The following ERBB4 variants were observed in gnomAD, a reference collection of about 807,000 sequenced individuals.
ERBB4 encodes the protein erb-b2 receptor tyrosine kinase 4.
Under a neutral mutation model 158.0 loss-of-function variants are expected in ERBB4, and 42 were observed. The ratio of observed to expected loss-of-function variants is 0.27; its 90% CI spans 0.21 to 0.34. The LOEUF (loss-of-function observed/expected upper bound fraction) is 0.34. Among genes scored for constraint, ERBB4 ranks in the 10% least tolerant of loss-of-function variants. ERBB4 has a pLI of 1.00. For missense variants in ERBB4, 1,333 were observed against 1,624.1 expected (o/e 0.82, Z 3.08); for synonymous variants, 583 against 558.7 (o/e 1.04, Z -0.61).
chr2:212,330,603 ACT>A lies in ERBB4; in HGVS notation c.83-205702_83-205701del, dbSNP rs372619908. Among the ~76,000 whole-genome samples the A allele has an allele frequency of 2.6e-5, 4 of 151,942 alleles. No homozygotes were observed. The East Asian group carries it at 5.9e-4, about 22-fold the overall frequency. On this transcript the variant is annotated intron_variant, in intron 1 of 27. Transcript: ENST00000342788. ...ACTCCAGCCTGGGTGACAGAGTAAG[ACT>A]CTGTCTCAAAAACAAATCAAAACAA...
intron 25 of ERBB4, among the ~76,000 whole-genome samples, chr2:211,415,686 T>C (rs1040128828): frequency 5.9e-5 from 9 of 152,136 alleles, no homozygotes; most frequent in Non-Finnish European, 1.2e-4. Flanking sequence ...CAAAGTGATA[T>C]GGTGTAAAAT....
At chr2:212,078,172 G>T (rs1271685719) in intron 2 of ERBB4, among the ~76,000 whole-genome samples, 1 of 151,898 alleles carries the variant, frequency 6.6e-6, no homozygotes, top group Non-Finnish European at 1.5e-5. Context: ...ATAGACTTAG[G>T]TCACCTCATT....
At chr2:211,990,269 C>A (rs1269633670) in intron 2 of ERBB4, among the ~76,000 whole-genome samples, 2 of 151,720 alleles carry the variant, frequency 1.3e-5, no homozygotes, top group Non-Finnish European at 2.9e-5. Flanking sequence ...AATAAAAAAG[C>A]CATTAAAATA....
At chr2:212,262,282 C>A (rs891302277) in intron 1 of ERBB4, among the ~76,000 whole-genome samples, 20 of 152,114 alleles carry the variant, frequency 1.3e-4, no homozygotes, top group African/African-American at 4.3e-4. Context: ...GAGAAACATT[C>A]ATCAGGTTTA....
At chr2:211,908,429 A>G (rs1186822948) in intron 3 of ERBB4, among the ~76,000 whole-genome samples, 2 of 151,794 alleles carry the variant, frequency 1.3e-5, no homozygotes, top group Non-Finnish European at 2.9e-5. Flanking sequence ...GGGGTTTCAA[A>G]TCTATTGAGG....
intron 20 of ERBB4, among the ~76,000 whole-genome samples, chr2:211,541,229 A>C (rs1329022313): frequency 6.6e-6 from 1 of 151,910 alleles, no homozygotes; most frequent in African/African-American, 2.4e-5. Context: ...ATAAGCTATA[A>C]AATATTTAGG....
chr2:212,391,058 T>TTTA (rs2090839507), intron 1 of ERBB4, among the ~76,000 whole-genome samples: 1 of 151,796 alleles, frequency 6.6e-6, no homozygotes, highest in Admixed American at 6.6e-5. Flanking sequence ...CACTGCTGTG[T>TTTA]TTACGTCTTA....
chr2:212,278,346 C>G (rs1223355774), intron 1 of ERBB4, among the ~76,000 whole-genome samples: 2 of 151,666 alleles, frequency 1.3e-5, no homozygotes, highest in Admixed American at 1.3e-4. Context: ...TTGAAGATTT[C>G]CTTTTGACTT....
chr2:211,919,937 CA>C (rs1559102139), intron 3 of ERBB4, among the ~76,000 whole-genome samples: 1 of 151,920 alleles, frequency 6.6e-6, no homozygotes, highest in African/African-American at 2.4e-5. Flanking sequence ...AATATTTAAA[CA>C]ACCACTAATC....
chr2:212,382,229 A>T (rs2090527264), intron 1 of ERBB4, among the ~76,000 whole-genome samples: 1 of 149,690 alleles, frequency 6.7e-6, no homozygotes, highest in African/African-American at 2.4e-5. Context: ...ACACACATAC[A>T]TATATATACA....
intron 2 of ERBB4, among the ~76,000 whole-genome samples, chr2:211,998,770 C>T (rs2125274137): frequency 6.6e-6 from 1 of 151,788 alleles, no homozygotes; most frequent in South Asian, 2.1e-4. Flanking sequence ...ATTTCACAAC[C>T]ATGATACCCT....
rs112816403 is a variant in ERBB4 at position 212,022,074 on chromosome 2, C to T, written c.235-74458G>A. On this transcript the variant is annotated intron_variant, in intron 2 of 27. Transcript: ENST00000342788. Reference sequence around the variant, plus strand: ...TAGGAATGCTTTTACACCATTGCTGCGAATGTAAATTTGTTCAACCATTGT... The same window carrying T: ...TAGGAATGCTTTTACACCATTGCTGTGAATGTAAATTTGTTCAACCATTGT... Among the ~76,000 whole-genome samples, 842 of 152,086 alleles carry T rather than the reference C, an allele frequency of 5.5e-3. 5 individuals are homozygous for T. Among genetic ancestry groups the T allele is most frequent in the African/African-American group, 7.2e-3 (299 of 41,508 alleles).
chr2:212,159,200 C>T (rs1208574213), intron 1 of ERBB4, among the ~76,000 whole-genome samples: 1 of 151,494 alleles, frequency 6.6e-6, no homozygotes, highest in Non-Finnish European at 1.5e-5. Flanking sequence ...GATCCTGATC[C>T]TCAGAAACTG....
Position 212,280,933 on chromosome 2 carries a change from G to A in ERBB4, c.83-156030C>T, listed in dbSNP as rs1482278947. ...GATCAGAAGAACCAGACCTAGATCC[G>A]AGGACTTGACACACTTGGTTTTGTA... is the stretch of plus-strand genomic sequence containing the variant. On this transcript the variant is annotated intron_variant, in intron 1 of 27. Coordinates refer to ENST00000342788, the MANE Select transcript of ERBB4 (RefSeq NM_005235.3). 6.6e-5 allele frequency among the ~76,000 whole-genome samples: 10 copies of A among 151,592 alleles called. No homozygotes were observed. The Admixed American group carries it at 6.6e-4, about 10-fold the overall frequency.
At chr2:212,125,586 A>G (rs2079898773) in intron 1 of ERBB4, among the ~76,000 whole-genome samples, 1 of 152,074 alleles carries the variant, frequency 6.6e-6, no homozygotes, top group African/African-American at 2.4e-5. Context: ...CCATTCTCCA[A>G]TAGGCCCCAG....
chr2:211,453,811 T>C (rs1412677923), intron 20 of ERBB4, among the ~76,000 whole-genome samples: 3 of 152,178 alleles, frequency 2.0e-5, no homozygotes, highest in Non-Finnish European at 4.4e-5. Context: ...TTGTAGAAAG[T>C]TGTTTGTTTT....
chr2:211,876,698 T>G (rs1333310789), intron 3 of ERBB4, among the ~76,000 whole-genome samples: 8 of 152,160 alleles, frequency 5.3e-5, no homozygotes, highest in African/African-American at 1.7e-4. Context: ...TATTGACTGG[T>G]AAGAGGCATG....
chr2:212,207,397 C>T (rs1249636722), intron 1 of ERBB4, among the ~76,000 whole-genome samples: 1 of 152,124 alleles, frequency 6.6e-6, no homozygotes, highest in Non-Finnish European at 1.5e-5. Context: ...TATGCATTTG[C>T]AAGCAATAGC....
intron 2 of ERBB4, among the ~76,000 whole-genome samples, chr2:211,957,837 G>T (rs1395616536): frequency 6.6e-6 from 1 of 152,090 alleles, no homozygotes. Flanking sequence ...GCATTTCAAT[G>T]TACAATTAAG....
Sources: gnomAD v4.1 joint callset for allele counts (sites outside exome capture counted in the v4.1 genomes callset) on GRCh38, gnomAD v4.1.1 for gene constraint, MANE v1.5 for transcripts, NCBI Gene and HGNC (gene_info 2026-07-23, HGNC 2026-07-21) for gene names.